Variants in PCDHGA3 observed in about 807,000 individuals in gnomAD.
PCDHGA3 encodes the protein protocadherin gamma subfamily A, 3.
PCDHGA3 carries 40 observed loss-of-function variants against 58.5 expected under a neutral mutation model. The ratio of observed to expected loss-of-function variants is 0.68; its 90% CI spans 0.53 to 0.89. PCDHGA3 has a LOEUF of 0.89. Among genes scored for constraint, PCDHGA3 ranks in the 40% least tolerant of loss-of-function variants. PCDHGA3 has a pLI of 0.00. For missense variants in PCDHGA3, 1,223 were observed against 1,195.9 expected (o/e 1.02, Z -0.33); for synonymous variants, 530 against 525.7 (o/e 1.01, Z -0.11).
chr5:141,433,162 A>G, intron 1 of PCDHGA3: 1 of 1,613,890 alleles, frequency 6.2e-7, no homozygotes, highest in Non-Finnish European at 8.5e-7. Flanking sequence ...TATTTTCTAA[A>G]GACAGTCATG....
chr5:141,505,155 C>T (rs2099844224), intron 2 of PCDHGA3, among the ~76,000 whole-genome samples: 1 of 152,162 alleles, frequency 6.6e-6, no homozygotes, highest in Non-Finnish European at 1.5e-5. Context: ...GAGTAAGACC[C>T]TGTCTAAAAC....
intron 1 of PCDHGA3, chr5:141,407,971 G>T (rs1399304138): frequency 2.8e-6 from 2 of 717,762 alleles, no homozygotes; most frequent in Non-Finnish European, 4.3e-6. Context: ...AAGCGCTGAC[G>T]CCGGGGATCC....
At chr5:141,396,406 G>A (rs1245754617) in intron 1 of PCDHGA3, 2 of 152,190 alleles carry the variant, frequency 1.3e-5, no homozygotes, top group African/African-American at 4.8e-5. Context: ...ATCACCTGAG[G>A]TCAGGAGTTC....
In PCDHGA3 at chr5:141,486,705, A is replaced by T. The variant is rs2099633722; in HGVS notation, c.2425-8102A>T. On this transcript the variant is annotated intron_variant, in intron 1 of 3. Transcript: ENST00000253812. This position sits in a 1 kb window ranked among gnomAD's most constrained non-coding sequence, Gnocchi z 5.0. ...TCAGCTTCCTCTTTCATCTCTCTGA[A>T]CCCCCAGACAGGAGCTGTTCATGCT... The T allele has an allele frequency of 6.2e-7, 1 of 1,613,844 alleles. No individual in the cohort carries two copies. The highest frequency in any genetic ancestry group is 1.3e-5 in the African/African-American group (1 of 74,910).
intron 1 of PCDHGA3, chr5:141,418,998 G>C (rs757681244): frequency 1.9e-6 from 3 of 1,613,940 alleles, no homozygotes; most frequent in South Asian, 1.1e-5. Context: ...GGGGAAAATG[G>C]GGAAGTCAGG....
intron 1 of PCDHGA3, chr5:141,430,857 A>G: frequency 1.3e-6 from 2 of 1,591,432 alleles, no homozygotes; most frequent in Non-Finnish European, 1.7e-6. Flanking sequence ...CAGATACGCT[A>G]TTCAGTTCCG....
chr5:141,388,657 G>C (rs769160604), intron 1 of PCDHGA3: 2 of 1,613,878 alleles, frequency 1.2e-6, no homozygotes, highest in African/African-American at 1.3e-5. Flanking sequence ...GTGTACCCGG[G>C]GACCACGGTG....
rs756300628 is a variant in PCDHGA3 at position 141,345,902 on chromosome 5, G to C, written c.1869G>C (p.Thr623=). 18 of 1,611,582 alleles carry C rather than the reference G, an allele frequency of 1.1e-5. No homozygotes were observed. The highest frequency in any genetic ancestry group is 1.3e-5 in the African/African-American group (1 of 74,318). Residue 623 remains threonine, a synonymous_variant, in exon 1 of 4, where the codon ACG becomes ACC. Coordinates refer to ENST00000253812, the MANE Select transcript of PCDHGA3 (RefSeq NM_018916.4). ...GACTCTTCTCGGTGGGTCTGCACACGGGCGAGGTGCGCACGGCGCGAGCCC... is the reference window on the plus strand; with the variant it reads ...GACTCTTCTCGGTGGGTCTGCACACCGGCGAGGTGCGCACGGCGCGAGCCC... ...EPGLFSVGLH[T]GEVRTARALL... is the part of the protein sequence containing the mutation.
At chr5:141,362,036 A>G in intron 1 of PCDHGA3, 1 of 1,609,914 alleles carries the variant, frequency 6.2e-7, no homozygotes, top group South Asian at 1.1e-5. Context: ...GCCTTGGGCG[A>G]CAGGGACGCG....
chr5:141,476,951 A>C lies in PCDHGA3; in HGVS notation c.2425-17856A>C. On this transcript the variant is annotated intron_variant, in intron 1 of 3. Coordinates refer to ENST00000253812, the MANE Select transcript of PCDHGA3 (RefSeq NM_018916.4). The surrounding 1 kb of genome is among the most constrained non-coding windows in gnomAD (Gnocchi z 7.6). ...TCTGGATGAAGGCCCCAACGGTGAA[A>C]TTATTTACTCCTTCGGCAGCCACAA... 6.2e-7 allele frequency: 1 copy of C among 1,614,184 alleles called. No individual in the cohort carries two copies. Among genetic ancestry groups the C allele is most frequent in the South Asian group, 1.1e-5 (1 of 91,088 alleles).
At chr5:141,504,643 G>A (rs1049421626) in intron 2 of PCDHGA3, among the ~76,000 whole-genome samples, 3 of 124,276 alleles carry the variant, frequency 2.4e-5, no homozygotes, top group African/African-American at 9.0e-5. Flanking sequence ...AAGGTTTGAT[G>A]ATAGAGTGTT....
intron 1 of PCDHGA3, chr5:141,404,901 G>A: frequency 6.2e-7 from 1 of 1,613,848 alleles, no homozygotes; most frequent in African/African-American, 1.3e-5. Flanking sequence ...CAGGACCATG[G>A]CCAGCCCCCT....
chr5:141,409,900 T>G (rs756245078), intron 1 of PCDHGA3: 1 of 1,613,144 alleles, frequency 6.2e-7, no homozygotes, highest in Non-Finnish European at 8.5e-7. Flanking sequence ...TGTACCCAGC[T>G]CTGGGTCCTG....
At chr5:141,364,099 G>A in intron 1 of PCDHGA3, 1 of 407,086 alleles carries the variant, frequency 2.5e-6, no homozygotes, top group African/African-American at 2.1e-5. Context: ...ATTTGATGCA[G>A]TCACTGGTTA....
chr5:141,505,143 C>G lies in PCDHGA3; in HGVS notation c.2484-250C>G, dbSNP rs578261428. ...CGCCACTGCACTCCAGCCTGGATGA[C>G]AGAGTAAGACCCTGTCTAAAACAAA... On this transcript the variant is annotated intron_variant, in intron 2 of 3. Coordinates refer to ENST00000253812, the MANE Select transcript of PCDHGA3 (RefSeq NM_018916.4). Among the ~76,000 whole-genome samples the G allele has an allele frequency of 3.3e-5, 5 of 152,290 alleles. No homozygotes were observed. The East Asian group carries it at 7.7e-4, about 24-fold the overall frequency.
At chr5:141,402,534 TAC>T (rs2094278313) in intron 1 of PCDHGA3, among the ~76,000 whole-genome samples, 1 of 152,346 alleles carries the variant, frequency 6.6e-6, no homozygotes, top group Non-Finnish European at 1.5e-5. Context: ...GATTTTATAA[TAC>T]ACTTACAGAA....
chr5:141,491,291 C>A lies in PCDHGA3; in HGVS notation c.2425-3516C>A. The A allele has an allele frequency of 8.1e-6, 13 of 1,614,152 alleles. No individual in the cohort carries two copies. Among genetic ancestry groups the A allele is most frequent in the Non-Finnish European group, 1.1e-5 (13 of 1,179,974 alleles). On this transcript the variant is annotated intron_variant, in intron 1 of 3. Transcript: ENST00000253812. This position sits in a 1 kb window ranked among gnomAD's most constrained non-coding sequence, Gnocchi z 6.9. The stretch of plus-strand genomic sequence containing the variant: ...AAATCCAGTGACTTCCTCATACACC[C>A]TCCTGAGCGTTCAGACCTTACCCTT...
At chr5:141,355,160 A>G (rs1483905698) in intron 1 of PCDHGA3, 1 of 1,559,252 alleles carries the variant, frequency 6.4e-7, no homozygotes, top group East Asian at 2.3e-5. Context: ...GCCTCGACAG[A>G]GGGAAAACCG....
Position 141,344,216 on chromosome 5 carries a change from G to A in PCDHGA3, c.183G>A (p.Glu61=), listed in dbSNP as rs199728541. 1.1e-3 allele frequency: 1,713 copies of A among 1,614,038 alleles called. 2 individuals carry two copies. The highest frequency in any genetic ancestry group is 1.4e-3 in the Non-Finnish European group (1,641 of 1,179,912). Residue 61 remains glutamate, a synonymous_variant, in exon 1 of 4, where the codon GAG becomes GAA. Transcript: ENST00000253812. Reference sequence around the variant, plus strand: ...GGCTAGAGCCCCGGGAGCTGGCGGAGCGCGGAGTCCGCATCGTCTCCAGAG... The same window carrying A: ...GGCTAGAGCCCCGGGAGCTGGCGGAACGCGGAGTCCGCATCGTCTCCAGAG... ...DLGLEPRELA[E]RGVRIVSRGR... is the part of the protein sequence containing the mutation.
Sources: allele counts gnomAD v4.1 joint callset (sites outside exome capture counted in the v4.1 genomes callset), GRCh38; gene constraint gnomAD v4.1.1; non-coding constraint Gnocchi (gnomAD v3.1); transcripts MANE v1.5; gene names NCBI Gene and HGNC (gene_info 2026-07-23, HGNC 2026-07-21).